ZC3H4: variants seen among roughly 807,000 people sequenced by gnomAD.
The protein encoded by ZC3H4 is zinc finger CCCH-type containing 4.
Under a neutral mutation model 108.3 loss-of-function variants are expected in ZC3H4, and 13 were observed. The observed-to-expected ratio is 0.12, with a 90% CI of 0.08 to 0.19. The LOEUF (loss-of-function observed/expected upper bound fraction) is 0.19, where lower values mean the gene tolerates loss of function less well. ZC3H4 is among the 10% of genes least tolerant of loss of function. The pLI, the probability that ZC3H4 is intolerant of heterozygous loss-of-function variation, is 1.00. For missense variants in ZC3H4, 1,734 were observed against 1,838.8 expected, an observed-to-expected ratio of 0.94 and a Z score of 1.04; for synonymous variants, 917 against 749.6, an observed-to-expected ratio of 1.22 and a Z score of -3.65.
Position 47,090,031 on chromosome 19 carries a change from A to G in ZC3H4, c.651T>C (p.Tyr217=). The change falls in exon 5 of 15, where the codon TAT becomes TAC. Residue 217 remains tyrosine (Y), a synonymous_variant. Transcript: ENST00000253048. ...GGTTCAGCTCTTTGGTGAAGTCGTC[A>G]TAGTCCTCCTTGCCCATGTCCTCCT... is the stretch of plus-strand genomic sequence containing the variant. ...DEEEDMGKED[Y]DDFTKELNQY... 6.2e-7 allele frequency: 1 copy of G among 1,614,188 alleles called. No individual in the cohort carries two copies. The highest frequency in any genetic ancestry group is 8.5e-7 in the Non-Finnish European group (1 of 1,180,016).
chr19:47,081,184 C>T (rs894295238), intron 11 of ZC3H4, among the ~76,000 whole-genome samples: 2 of 152,146 alleles, frequency 1.3e-5, no homozygotes, highest in African/African-American at 4.8e-5. Flanking sequence ...ACAGGTGATT[C>T]GTGTATCTTT....
Position 47,067,828 on chromosome 19 carries a change from C to T in ZC3H4, c.2440G>A (p.Gly814Arg). The part of the protein sequence containing the change: ...NWYSSDEDEG[G>R]SSVTSILKTL... ...TTCAGGATGGAGGTGACACTGCTTC[C>T]ACCCTCATCCTCATCACTTGAGTAC... Residue 814 changes from glycine (G) to arginine (R), a missense_variant, in exon 15 of 15, where the codon GGA (glycine) becomes AGA (arginine). This residue lies in a region of ZC3H4 where 540 missense variants were observed against 484.1 expected (regional missense o/e 1.12). Coordinates refer to ENST00000253048, the MANE Select transcript of ZC3H4 (RefSeq NM_015168.2). This position sits in a 1 kb window ranked among gnomAD's most constrained non-coding sequence, Gnocchi z 6.4. 2 of 1,606,990 alleles carry T rather than the reference C, an allele frequency of 1.2e-6. No individual in the cohort carries two copies. The highest frequency in any genetic ancestry group is 1.1e-5 in the South Asian group (1 of 89,820).
Position 47,110,787 on chromosome 19 carries a change from A to C in ZC3H4, c.161+1637T>G, listed in dbSNP as rs535100292. On this transcript the variant is annotated intron_variant, in intron 2 of 14. Coordinates refer to ENST00000253048, the MANE Select transcript of ZC3H4 (RefSeq NM_015168.2). ...AGGGCTTAGCGAACAGACCTTTGCT[A>C]ATCTGTTTATTTCCTTGAACTGGAG... 5 of 558,184 alleles carry C rather than the reference A, an allele frequency of 9.0e-6. No individual in the cohort carries two copies. The Admixed American group carries it at 2.5e-4, about 28-fold the overall frequency. The allele number at this position is 558,184 out of a possible 1,614,324, so 34.6% of individuals were successfully genotyped here. A position where few individuals can be genotyped will look rare whatever the true frequency, so the allele number is the denominator to read the frequency against.
chr19:47,084,692 C>A (rs2057584710), intron 8 of ZC3H4, among the ~76,000 whole-genome samples: 2 of 152,304 alleles, frequency 1.3e-5, no homozygotes, highest in South Asian at 4.1e-4. Context: ...GCCACTTACA[C>A]CTCAAGTTCC....
At chr19:47,084,612 C>CACCT (rs2057583468) in intron 8 of ZC3H4, among the ~76,000 whole-genome samples, 157 bp from the exon 9 acceptor site, 1 of 152,206 alleles carries the variant, frequency 6.6e-6, no homozygotes, top group African/African-American at 2.4e-5. Context: ...AGGCTGCGTG[C>CACCT]ACCTTATAAG....
At chr19:47,087,512 A>T (rs2057652711) in intron 5 of ZC3H4, among the ~76,000 whole-genome samples, 1 of 152,156 alleles carries the variant, frequency 6.6e-6, no homozygotes, top group Non-Finnish European at 1.5e-5. Flanking sequence ...AGTTGGGCAG[A>T]TCACTTGAGA....
chr19:47,078,479 G>A (rs942894077), intron 11 of ZC3H4, among the ~76,000 whole-genome samples: 10 of 145,882 alleles, frequency 6.9e-5, no homozygotes, highest in East Asian at 4.0e-4. Flanking sequence ...GCGAGACTCC[G>A]TTTCAAAAAA....
intron 5 of ZC3H4, among the ~76,000 whole-genome samples, chr19:47,087,227 G>T (rs532394844): frequency 4.6e-5 from 7 of 151,430 alleles, no homozygotes; most frequent in African/African-American, 1.7e-4. Flanking sequence ...AGTAAGCTGA[G>T]AATGCGCCAC....
At chr19:47,091,411 A>C (rs973421145) in intron 4 of ZC3H4, among the ~76,000 whole-genome samples, 1 of 151,700 alleles carries the variant, frequency 6.6e-6, no homozygotes, top group African/African-American at 2.4e-5. Context: ...TCTCTACTAA[A>C]AATACAAAAT....
At position 47,072,489 on chromosome 19, in the gene ZC3H4, A is replaced by C; in HGVS notation, c.1665T>G (p.Pro555=). The change falls in exon 12 of 15, where the codon CCT becomes CCG. Residue 555 remains proline (P), a synonymous_variant. Transcript: ENST00000253048. The surrounding 1 kb of genome is among the most constrained non-coding windows in gnomAD (Gnocchi z 5.6). ...GCTCATGCACCGGCATGGGCATCTG[A>C]GGGGGCCCGGGCGGTGGGGGAGGGG... ...PPPPPPPPGP[P]QMPMPVHEPL... is the part of the protein sequence containing the mutation. The C allele has an allele frequency of 1.3e-6, 1 of 758,704 alleles. No homozygotes were observed. Among genetic ancestry groups the C allele is most frequent in the Non-Finnish European group, 1.6e-6 (1 of 627,286 alleles). 47.0% of individuals were successfully genotyped at this position (758,704 alleles called of 1,614,324 possible). A position where few individuals can be genotyped will look rare whatever the true frequency, so the allele number is the denominator to read the frequency against.
chr19:47,113,001 G>T (rs1455411948), intron 1 of ZC3H4, among the ~76,000 whole-genome samples: 3 of 152,238 alleles, frequency 2.0e-5, no homozygotes, highest in Non-Finnish European at 4.4e-5. Flanking sequence ...AAGAAAAAAA[G>T]GATTTGAGGG....
chr19:47,069,794 G>A (rs144536150), intron 13 of ZC3H4, among the ~76,000 whole-genome samples: 1,673 of 152,208 alleles, frequency 0.011, 35 homozygotes, highest in African/African-American at 0.038. Context: ...TAGTGAACTC[G>A]ACCATGTTCA....
chr19:47,066,111 G>A lies in ZC3H4; in HGVS notation c.*245C>T, dbSNP rs1161201237. 7 of 368,828 alleles carry A rather than the reference G, an allele frequency of 1.9e-5. No homozygotes were observed. The highest frequency in any genetic ancestry group is 3.4e-5 in the Non-Finnish European group (7 of 206,524). The allele number at this position is 368,828 out of a possible 1,614,324, so 22.8% of individuals were successfully genotyped here. On this transcript the variant is annotated 3_prime_UTR_variant, in exon 15 of 15. Coordinates refer to ENST00000253048, the MANE Select transcript of ZC3H4 (RefSeq NM_015168.2). ...GTTCACAGGTTTGCGGGCATGAGTCGGTTTGCTCAGCAGGAGCCCCTGAGC... is the reference window on the plus strand; with the variant it reads ...GTTCACAGGTTTGCGGGCATGAGTCAGTTTGCTCAGCAGGAGCCCCTGAGC...
chr19:47,085,238 C>T (rs1445660751), intron 7 of ZC3H4, 43 bp from the exon 8 acceptor site: 2 of 1,544,318 alleles, frequency 1.3e-6, no homozygotes, highest in Non-Finnish European at 1.8e-6. Context: ...ACCACCCCCT[C>T]CCCCACCCCC....
chr19:47,096,689 G>C, intron 2 of ZC3H4: 1 of 621,230 alleles, frequency 1.6e-6, no homozygotes, highest in Non-Finnish European at 2.0e-6. Context: ...GAAAAGCTAA[G>C]AACAACATTA....
chr19:47,094,728 C>T (rs2057793943), intron 2 of ZC3H4, 120 bp from the exon 3 acceptor site: 3 of 982,496 alleles, frequency 3.1e-6, no homozygotes, highest in Non-Finnish European at 4.6e-6. Context: ...AAGTGAGACC[C>T]TGGGAGGACA....
intron 10 of ZC3H4, among the ~76,000 whole-genome samples, chr19:47,081,895 C>T (rs541878026): frequency 3.9e-5 from 6 of 152,286 alleles, no homozygotes; most frequent in Admixed American, 3.3e-4. Flanking sequence ...AAATGACTCA[C>T]CCAAGGTATA....
At chr19:47,095,317 G>A (rs1461487512) in intron 2 of ZC3H4, among the ~76,000 whole-genome samples, 1 of 152,174 alleles carries the variant, frequency 6.6e-6, no homozygotes, top group Non-Finnish European at 1.5e-5. Context: ...CATGAGAACC[G>A]CTGGAAACAG....
At position 47,094,476 on chromosome 19, in the gene ZC3H4, C is replaced by T. The variant is rs201556331; in HGVS notation, c.294G>A (p.Lys98=). 265 of 1,614,238 alleles carry T rather than the reference C, an allele frequency of 1.6e-4. No individual in the cohort carries two copies. Among genetic ancestry groups the T allele is most frequent in the Non-Finnish European group, 2.1e-4 (251 of 1,180,044 alleles). Residue 98 remains lysine, a synonymous_variant, in exon 3 of 15, where the codon AAG becomes AAA. Transcript: ENST00000253048. Reference sequence around the variant, plus strand: ...GTTTCCGCTTCAGTCTCCTGTGGGACTTCTCCTCATCCGAATCACTGTGAT... The same window carrying T: ...GTTTCCGCTTCAGTCTCCTGTGGGATTTCTCCTCATCCGAATCACTGTGAT... ...EKHHSDSDEE[K]SHRRLKRKRK...
Sources: gnomAD v4.1 joint callset for allele counts (sites outside exome capture counted in the v4.1 genomes callset) on GRCh38, gnomAD v4.1.1 for gene constraint, gnomAD v4.1.1 regional missense constraint, Gnocchi (gnomAD v3.1) non-coding constraint, MANE v1.5 for transcripts, NCBI Gene and HGNC (gene_info 2026-07-23, HGNC 2026-07-21) for gene names.